Variants in KLHL14 observed in about 807,000 individuals in gnomAD.
KLHL14 encodes kelch-like protein 14.
A neutral mutation model predicts 64.3 loss-of-function variants in KLHL14; 22 were observed. That is an observed-to-expected ratio of 0.34 (90% confidence interval 0.24 to 0.49). The LOEUF (loss-of-function observed/expected upper bound fraction) is 0.49. Among genes scored for constraint, KLHL14 ranks in the 20% least tolerant of loss-of-function variants. The probability of loss-of-function intolerance (pLI) is 0.99; values close to 1 mark genes in which losing one functional copy is unlikely to be tolerated. For missense variants in KLHL14, 661 were observed against 789.0 expected, an observed-to-expected ratio of 0.84 and a Z score of 1.94; for synonymous variants, 322 against 333.4, an observed-to-expected ratio of 0.97 and a Z score of 0.37.
At chr18:32,678,708 G>C (rs1193566985) in intron 7 of KLHL14, among the ~76,000 whole-genome samples, 1 of 152,046 alleles carries the variant, frequency 6.6e-6, no homozygotes, top group African/African-American at 2.4e-5. Context: ...ACAGACATGA[G>C]GTTAAGTGTC....
intron 4 of KLHL14, among the ~76,000 whole-genome samples, chr18:32,688,341 A>G (rs1407274322): frequency 1.3e-5 from 2 of 152,230 alleles, no homozygotes; most frequent in Non-Finnish European, 2.9e-5. Context: ...ACAAATATAT[A>G]TCAAGCACCT....
At chr18:32,738,392 G>A (rs1293656359) in intron 3 of KLHL14, 2 of 152,118 alleles carry the variant, frequency 1.3e-5, no homozygotes, top group Non-Finnish European at 2.9e-5. Flanking sequence ...GGGAGACTGC[G>A]TGCAGGAGTG....
intron 3 of KLHL14, among the ~76,000 whole-genome samples, chr18:32,729,684 T>C (rs2050127165): frequency 6.6e-6 from 1 of 152,186 alleles, no homozygotes; most frequent in Admixed American, 6.5e-5. Context: ...AATAGAAATA[T>C]GTCATTGTCA....
At chr18:32,684,053 T>C (rs2049857780) in intron 5 of KLHL14, among the ~76,000 whole-genome samples, 1 of 152,160 alleles carries the variant, frequency 6.6e-6, no homozygotes. Flanking sequence ...TTAGATTAGC[T>C]AGGGAGTAAG....
chr18:32,748,621 T>C (rs1272550277), intron 2 of KLHL14, among the ~76,000 whole-genome samples: 3 of 150,902 alleles, frequency 2.0e-5, no homozygotes, highest in East Asian at 3.9e-4. Flanking sequence ...CCCAAAGTGC[T>C]GGGATTACAG....
intron 4 of KLHL14, among the ~76,000 whole-genome samples, 165 bp downstream of exon 4, chr18:32,695,298 T>G (rs1305406625): frequency 6.6e-6 from 1 of 152,178 alleles, no homozygotes; most frequent in Non-Finnish European, 1.5e-5. Context: ...GTTAGCTCAA[T>G]GATTGACCCT....
At chr18:32,748,652 C>CT (rs34896902) in intron 2 of KLHL14, among the ~76,000 whole-genome samples, 42 of 133,022 alleles carry the variant, frequency 3.2e-4, no homozygotes, top group African/African-American at 7.5e-4. Flanking sequence ...CCGCACCAGG[C>CT]TTTTTTTTTT....
chr18:32,683,745 T>C lies in KLHL14; in HGVS notation c.1239-3146A>G, dbSNP rs2049855770. Among the ~76,000 whole-genome samples, 1 of 152,236 alleles carries C rather than the reference T, an allele frequency of 6.6e-6. No homozygotes were observed. Among genetic ancestry groups the C allele is most frequent in the African/African-American group, 2.4e-5 (1 of 41,472 alleles). The stretch of plus-strand genomic sequence containing the variant: ...TTACACTCTGCTTATTTTGCAGATC[T>C]TTACAAGTTCTTTCTGGCCCTTGGA... On this transcript the variant is annotated intron_variant, in intron 5 of 8. Coordinates refer to ENST00000359358, the MANE Select transcript of KLHL14 (RefSeq NM_020805.3). The surrounding 1 kb of genome is among the most constrained non-coding windows in gnomAD (Gnocchi z 4.2).
intron 1 of KLHL14, among the ~76,000 whole-genome samples, chr18:32,771,802 G>C (rs1324319662): frequency 1.3e-5 from 2 of 151,612 alleles, no homozygotes; most frequent in Admixed American, 1.3e-4. Flanking sequence ...CGAACGAGCG[G>C]GGGGGCGGGG....
intron 2 of KLHL14, chr18:32,744,612 C>G (rs1344843962): frequency 6.6e-6 from 1 of 152,260 alleles, no homozygotes; most frequent in Non-Finnish European, 1.5e-5. Context: ...CCATTGCATT[C>G]CAGCCTGGGC....
intron 3 of KLHL14, among the ~76,000 whole-genome samples, chr18:32,698,275 C>T (rs1038775492): frequency 1.3e-5 from 2 of 152,092 alleles, no homozygotes; most frequent in Non-Finnish European, 1.5e-5. Flanking sequence ...ACAAGTGCCT[C>T]GCCCTCGCAA....
Position 32,770,049 on chromosome 18 carries a change from G to T in KLHL14, c.543C>A (p.Ile181=). The T allele has an allele frequency of 6.2e-7, 1 of 1,614,218 alleles. No homozygotes were observed. Among genetic ancestry groups the T allele is most frequent in the East Asian group, 2.2e-5 (1 of 44,880 alleles). ...ACACCTGCTTGTAGTTCTGCACCGA[G>T]ATCTGGTCGTTGAGGAACTGCACGC... ...KLCVQFLNDQ[I]SVQNYKQVCK... is the part of the protein sequence containing the mutation. The change falls in exon 2 of 9, where the codon ATC becomes ATA. Residue 181 remains isoleucine (I), a synonymous_variant. Coordinates refer to ENST00000359358, the MANE Select transcript of KLHL14 (RefSeq NM_020805.3). This position sits in a 1 kb window ranked among gnomAD's most constrained non-coding sequence, Gnocchi z 6.7.
At chr18:32,730,500 TCAGAGG>T (rs2050132083) in intron 3 of KLHL14, among the ~76,000 whole-genome samples, 1 of 152,230 alleles carries the variant, frequency 6.6e-6, no homozygotes, top group South Asian at 2.1e-4. Flanking sequence ...TTTTTAATGC[TCAGAGG>T]CATTATAATA....
At chr18:32,726,286 G>T (rs2050107767) in intron 3 of KLHL14, among the ~76,000 whole-genome samples, 1 of 152,156 alleles carries the variant, frequency 6.6e-6, no homozygotes, top group Admixed American at 6.6e-5. Flanking sequence ...GCCCTTCACA[G>T]AAAAAGTTTG....
chr18:32,675,736 C>T (rs186969677), intron 8 of KLHL14, among the ~76,000 whole-genome samples: 1 of 152,270 alleles, frequency 6.6e-6, no homozygotes, highest in Admixed American at 6.5e-5. Context: ...AAAGACCCAA[C>T]CAACCTAATA....
intron 3 of KLHL14, among the ~76,000 whole-genome samples, chr18:32,738,886 G>T (rs2050180612): frequency 6.6e-6 from 1 of 152,104 alleles, no homozygotes; most frequent in African/African-American, 2.4e-5. Flanking sequence ...AATAGGATAA[G>T]ATCTAAAGAA....
chr18:32,738,008 G>A (rs1165082620), intron 3 of KLHL14: 5 of 152,104 alleles, frequency 3.3e-5, no homozygotes, highest in East Asian at 3.9e-4. Flanking sequence ...CTTTTCTGTT[G>A]TTGGTCACAA....
At chr18:32,689,844 G>T (rs1276201910) in intron 4 of KLHL14, among the ~76,000 whole-genome samples, 1 of 152,172 alleles carries the variant, frequency 6.6e-6, no homozygotes, top group Non-Finnish European at 1.5e-5. Flanking sequence ...AACTAAAAAG[G>T]AAGGCCATCA....
At position 32,683,274 on chromosome 18, in the gene KLHL14, G is replaced by C. The variant is rs2049852249; in HGVS notation, c.1239-2675C>G. Reference sequence around the variant, plus strand: ...AGTGTCACTGTTAGGATCTAAATGGGAAAAAATCAGCAGATTTCACTTCCT... The same window carrying C: ...AGTGTCACTGTTAGGATCTAAATGGCAAAAAATCAGCAGATTTCACTTCCT... On this transcript the variant is annotated intron_variant, in intron 5 of 8. Coordinates refer to ENST00000359358, the MANE Select transcript of KLHL14 (RefSeq NM_020805.3). This position sits in a 1 kb window ranked among gnomAD's most constrained non-coding sequence, Gnocchi z 4.2. Among the ~76,000 whole-genome samples, 1 of 152,080 alleles carries C rather than the reference G, an allele frequency of 6.6e-6. No homozygotes were observed. The highest frequency in any genetic ancestry group is 1.5e-5 in the Non-Finnish European group (1 of 68,004).
Sources: gnomAD v4.1 joint callset for allele counts (sites outside exome capture counted in the v4.1 genomes callset) on GRCh38, gnomAD v4.1.1 for gene constraint, Gnocchi (gnomAD v3.1) non-coding constraint, MANE v1.5 for transcripts, NCBI Gene and HGNC (gene_info 2026-07-23, HGNC 2026-07-21) for gene names.